GDAP1: variants seen among roughly 807,000 people sequenced by gnomAD.
GDAP1 encodes ganglioside-induced differentiation-associated protein 1.
A neutral mutation model predicts 40.1 loss-of-function variants in GDAP1; 34 were observed. That is an observed-to-expected ratio of 0.85 (90% CI 0.64 to 1.13). The LOEUF is 1.13. Among genes scored for constraint, GDAP1 ranks in the 50% most tolerant of loss-of-function variants. The pLI is 0.00. For synonymous variants in GDAP1, 170 were observed against 157.4 expected, an observed-to-expected ratio of 1.08 and a Z score of -0.60; for missense variants, 374 against 433.7, an observed-to-expected ratio of 0.86 and a Z score of 1.22.
rs1285102007 is a variant in GDAP1, at chr8:74,366,357, G to A, written c.*1990G>A. On this transcript the variant is annotated 3_prime_UTR_variant, in exon 6 of 6. Transcript: ENST00000220822. ...CAGCAACTCTTCTAAAATGTTTCAA[G>A]CAAAGATAGTAATGACCTCAGTTTC... 4.4e-6 allele frequency: 2 copies of A among 454,382 alleles called. No homozygotes were observed. The highest frequency in any genetic ancestry group is 3.1e-5 in the South Asian group (2 of 64,472). 28.1% of individuals were successfully genotyped at this position (454,382 alleles called of 1,614,324 possible).
chr8:74,375,750 C>G (rs1809842128), intron 2 of GDAP1, among the ~76,000 whole-genome samples: 1 of 152,142 alleles, frequency 6.6e-6, no homozygotes, highest in South Asian at 2.1e-4. Flanking sequence ...ACTGTCATCA[C>G]TTCTACTTGT....
rs1041603000 is a variant in GDAP1, at chr8:74,450,139, C to T, written c.166-38539C>T. On this transcript the variant is annotated intron_variant, in intron 2 of 2. Transcript: ENST00000523640. The stretch of plus-strand genomic sequence containing the variant: ...GTGTCTTGTTCAATTTCCACATATT[C>T]GGTTTAAATATATATTTTATTATTG... Among the ~76,000 whole-genome samples, 14 of 148,504 alleles carry T rather than the reference C, an allele frequency of 9.4e-5. 1 individual carries two copies. The highest frequency in any genetic ancestry group is 2.7e-4 in the African/African-American group (11 of 40,428).
In GDAP1 at chr8:74,360,215, C is replaced by A. The variant is rs147295250; in HGVS notation, c.389C>A (p.Ser130Tyr). The A allele has an allele frequency of 9.3e-6, 15 of 1,613,278 alleles. No homozygotes were observed. Among genetic ancestry groups the A allele is most frequent in the Non-Finnish European group, 1.2e-5 (14 of 1,179,234 alleles). ...RVQHYRELLD[S>Y]LPMDAYTHGC... ...CAACATTACCGAGAGCTGCTTGACT[C>A]CTTGCCAATGGATGCCTATACACAT... Residue 130 changes from serine to tyrosine, a missense_variant, in exon 3 of 6, where the codon TCC becomes TAC. Ser to Tyr is a moderately radical substitution (Grantham distance 144). Coordinates refer to ENST00000220822, the MANE Select transcript of GDAP1 (RefSeq NM_018972.4).
At chr8:74,356,716 A>ATATATATATATATATTTTTTTTTTTTTT (rs375377157) in intron 2 of GDAP1, among the ~76,000 whole-genome samples, 1 of 104,362 alleles carries the variant, frequency 9.6e-6, no homozygotes, top group African/African-American at 4.1e-5. Context: ...ATATATATAT[A>ATATATATATATATATTTTTTTTTTTTTT]TTTTTTTTTT....
rs908728230 is a variant in GDAP1, at chr8:74,365,573, C to T, written c.*1206C>T. The T allele has an allele frequency of 4.4e-6, 2 of 454,238 alleles. No homozygotes were observed. Among genetic ancestry groups the T allele is most frequent in the Admixed American group, 2.4e-5 (1 of 42,534 alleles). The allele number at this position is 454,238 out of a possible 1,614,324, so 28.1% of individuals were successfully genotyped here. ...AGGCCTTAGAAGCCATTTCTGGTGT[C>T]TGGTGGGTAGCAGGCATAGAGATGA... On this transcript the variant is annotated 3_prime_UTR_variant, in exon 6 of 6. Transcript: ENST00000220822.
At chr8:74,433,112 G>A (rs1003825542) in intron 2 of GDAP1, among the ~76,000 whole-genome samples, 20 of 152,280 alleles carry the variant, frequency 1.3e-4, no homozygotes, top group Admixed American at 1.3e-3. Flanking sequence ...CGTGGTTGGT[G>A]CCTGCTCATT....
At chr8:74,458,618 A>G (rs923017044) in intron 2 of GDAP1, among the ~76,000 whole-genome samples, 1 of 152,200 alleles carries the variant, frequency 6.6e-6, no homozygotes, top group Admixed American at 6.5e-5. Context: ...GTTTAGTGGG[A>G]TATTGGAGCA....
intron 2 of GDAP1, among the ~76,000 whole-genome samples, chr8:74,426,296 T>C (rs779491239): frequency 7.2e-5 from 11 of 152,252 alleles, no homozygotes; most frequent in Non-Finnish European, 1.3e-4. Flanking sequence ...TCATACAATA[T>C]AGTACTGGTA....
chr8:74,468,235 T>C (rs1250098935), intron 2 of GDAP1, among the ~76,000 whole-genome samples: 1 of 152,108 alleles, frequency 6.6e-6, no homozygotes, highest in East Asian at 1.9e-4. Flanking sequence ...TTTTCAGTGG[T>C]TTCTCACCTA....
At chr8:74,447,110 A>G in intron 2 of GDAP1, among the ~76,000 whole-genome samples, 1 of 152,158 alleles carries the variant, frequency 6.6e-6, no homozygotes, top group Non-Finnish European at 1.5e-5. Flanking sequence ...AAAACACTCT[A>G]TTTTATAGGT....
intron 2 of GDAP1, among the ~76,000 whole-genome samples, chr8:74,375,239 A>T (rs577085399): frequency 6.6e-6 from 1 of 152,178 alleles, no homozygotes; most frequent in East Asian, 1.9e-4. Context: ...AGGCAAGAGA[A>T]TCTCTTGAAC....
intron 2 of GDAP1, among the ~76,000 whole-genome samples, chr8:74,354,173 C>T (rs967527316): frequency 6.6e-6 from 1 of 152,114 alleles, no homozygotes; most frequent in Non-Finnish European, 1.5e-5. Flanking sequence ...CAACTATAGA[C>T]TCTCATTTTA....
At chr8:74,422,506 TC>T (rs1277715390) in intron 2 of GDAP1, among the ~76,000 whole-genome samples, 986 of 32,964 alleles carry the variant, frequency 0.03, 18 homozygotes, top group Non-Finnish European at 0.06. Context: ...CTTCCTTCCT[TC>T]CTTCCTTCCT....
intron 2 of GDAP1, among the ~76,000 whole-genome samples, chr8:74,433,437 GA>G (rs780067434): frequency 4.6e-5 from 7 of 152,016 alleles, no homozygotes; most frequent in Non-Finnish European, 8.8e-5. Flanking sequence ...ATATTTGTTA[GA>G]TGAACATTTT....
intron 2 of GDAP1, among the ~76,000 whole-genome samples, chr8:74,472,198 T>C (rs1806566471): frequency 6.6e-6 from 1 of 152,222 alleles, no homozygotes; most frequent in African/African-American, 2.4e-5. Flanking sequence ...TATTTGGTTT[T>C]GTTTCTGCAT....
At chr8:74,412,794 C>T (rs1805730264) in intron 2 of GDAP1, among the ~76,000 whole-genome samples, 1 of 149,120 alleles carries the variant, frequency 6.7e-6, no homozygotes, top group African/African-American at 2.6e-5. Context: ...TGCGGTGGCT[C>T]ACGCCTGTAA....
At chr8:74,400,489 G>A (rs1251918918) in intron 2 of GDAP1, among the ~76,000 whole-genome samples, 1 of 149,656 alleles carries the variant, frequency 6.7e-6, no homozygotes, top group East Asian at 1.9e-4. Context: ...ACACTGATGG[G>A]TCTTGACTCT....
rs1806361118 is a variant in GDAP1 at position 74,458,357 on chromosome 8, G to GT, written c.166-30318dup. 2.0e-5 allele frequency among the ~76,000 whole-genome samples: 3 copies of GT among 152,130 alleles called. No homozygotes were observed. In the South Asian group the frequency reaches 6.2e-4, roughly 31 times the overall value. On this transcript the variant is annotated intron_variant, in intron 2 of 2. Transcript: ENST00000523640. ...TGTCCCAAGACACCACTCATTCTAAGTTTGTGAGGTCATTATAAAGGACAC... is the reference window on the plus strand; with the variant it reads ...TGTCCCAAGACACCACTCATTCTAAGTTTTGTGAGGTCATTATAAAGGACAC...
intron 2 of GDAP1, among the ~76,000 whole-genome samples, chr8:74,404,605 G>A (rs566130882): frequency 6.7e-6 from 1 of 149,950 alleles, no homozygotes; most frequent in Admixed American, 6.6e-5. Flanking sequence ...TGGCCTCAGA[G>A]ATTGCATTCT....
Sources: gnomAD v4.1 joint callset for allele counts (sites outside exome capture counted in the v4.1 genomes callset) on GRCh38, gnomAD v4.1.1 for gene constraint, MANE v1.5 for transcripts, NCBI Gene and HGNC (gene_info 2026-07-23, HGNC 2026-07-21) for gene names.